The following PTPRD variants were observed in gnomAD, a reference collection of about 807,000 sequenced individuals.
The protein encoded by PTPRD is protein tyrosine phosphatase receptor type D, also known as receptor-type tyrosine-protein phosphatase delta.
Under a neutral mutation model 214.5 loss-of-function variants are expected in PTPRD, and 34 were observed. The observed-to-expected ratio is 0.16, with a 90% confidence interval of 0.12 to 0.21. The LOEUF (loss-of-function observed/expected upper bound fraction) is 0.21. Among genes scored for constraint, PTPRD ranks in the 10% least tolerant of loss-of-function variants. The pLI, the probability that PTPRD is intolerant of heterozygous loss-of-function variation, is 1.00. For missense variants in PTPRD, 2,545 were observed against 2,398.7 expected (o/e 1.06, Z -1.27); for synonymous variants, 1,128 against 845.7 (o/e 1.33, Z -5.79).
chr9:8,547,573 G>A (rs953813814), intron 14 of PTPRD, among the ~76,000 whole-genome samples: 6 of 151,358 alleles, frequency 4.0e-5, no homozygotes, highest in Non-Finnish European at 8.8e-5. Context: ...GGCCCAGGAG[G>A]TTGAGGCTAC....
At chr9:8,962,917 C>T (rs932111588) in intron 11 of PTPRD, 2 of 152,024 alleles carry the variant, frequency 1.3e-5, no homozygotes, top group South Asian at 4.1e-4. Context: ...GGCAATGTGG[C>T]TCTTAGGAAC....
chr9:8,874,822 G>T (rs1325627580), intron 11 of PTPRD, among the ~76,000 whole-genome samples: 1 of 152,224 alleles, frequency 6.6e-6, no homozygotes. Context: ...ACCATGCGGA[G>T]CCTGGCTCCT....
intron 2 of PTPRD, among the ~76,000 whole-genome samples, chr9:10,589,685 A>C (rs1341981342): frequency 6.6e-6 from 1 of 152,082 alleles, no homozygotes; most frequent in Non-Finnish European, 1.5e-5. Flanking sequence ...ACGAGACAGC[A>C]GAAACTGATG....
chr9:10,242,469 G>C lies in PTPRD; in HGVS notation c.-545+98494C>G, dbSNP rs193164799. ...TAGATTTGGATACTATGATTCATAT[G>C]AATTAGATCACAGGTACCAACGTTC... is the stretch of plus-strand genomic sequence containing the variant. On this transcript the variant is annotated intron_variant, in intron 3 of 45. Transcript: ENST00000381196. Among the ~76,000 whole-genome samples the C allele has an allele frequency of 9.9e-5, 15 of 152,016 alleles. No individual in the cohort carries two copies. The East Asian group carries it at 2.3e-3, about 24-fold the overall frequency.
intron 14 of PTPRD, among the ~76,000 whole-genome samples, chr9:8,531,144 C>T (rs1429507063): frequency 1.3e-5 from 2 of 151,962 alleles, no homozygotes; most frequent in Non-Finnish European, 2.9e-5. Context: ...GTTTACACAT[C>T]GTCAGCCAAG....
intron 12 of PTPRD, among the ~76,000 whole-genome samples, chr9:8,709,294 C>G (rs904543735): frequency 1.3e-5 from 2 of 151,860 alleles, no homozygotes; most frequent in Non-Finnish European, 2.9e-5. Flanking sequence ...GTGGGCGGAT[C>G]ACGAGGTCAG....
chr9:8,933,036 A>G (rs916978337), intron 11 of PTPRD, among the ~76,000 whole-genome samples: 1 of 152,058 alleles, frequency 6.6e-6, no homozygotes, highest in African/African-American at 2.4e-5. Context: ...CAGGTTGCGA[A>G]GACCATGGGA....
chr9:9,874,830 G>A (rs929875390), intron 5 of PTPRD, among the ~76,000 whole-genome samples: 27 of 152,140 alleles, frequency 1.8e-4, no homozygotes, highest in Admixed American at 1.7e-3. Context: ...AATATTTTGT[G>A]TCCAGGGAAT....
intron 11 of PTPRD, among the ~76,000 whole-genome samples, chr9:8,873,790 A>T (rs1382771709): frequency 6.6e-6 from 1 of 152,178 alleles, no homozygotes; most frequent in African/African-American, 2.4e-5. Flanking sequence ...GCAGAGAAAT[A>T]TGAGTGACAG....
chr9:8,495,673 TTTAG>T (rs1355646634), intron 26 of PTPRD, among the ~76,000 whole-genome samples: 1 of 152,218 alleles, frequency 6.6e-6, no homozygotes, highest in African/African-American at 2.4e-5. Context: ...AAAATTTTAT[TTTAG>T]TTAAACAGAG....
intron 10 of PTPRD, among the ~76,000 whole-genome samples, chr9:9,108,359 T>C (rs950515131): frequency 6.6e-6 from 1 of 152,138 alleles, no homozygotes; most frequent in Non-Finnish European, 1.5e-5. Context: ...GCAGAGGAAA[T>C]AAATTTAGTA....
intron 3 of PTPRD, among the ~76,000 whole-genome samples, chr9:10,146,494 T>C (rs2099023816): frequency 6.6e-6 from 1 of 152,102 alleles, no homozygotes; most frequent in African/African-American, 2.4e-5. Flanking sequence ...GTTGAAATTA[T>C]GACCTCAGGG....
At chr9:10,044,877 T>C (rs2097361562) in intron 3 of PTPRD, among the ~76,000 whole-genome samples, 1 of 151,708 alleles carries the variant, frequency 6.6e-6, no homozygotes, top group East Asian at 1.9e-4. Context: ...TACACTGACA[T>C]TTTGGGACAA....
At chr9:8,956,096 T>A (rs572910412) in intron 11 of PTPRD, among the ~76,000 whole-genome samples, 1 of 151,944 alleles carries the variant, frequency 6.6e-6, no homozygotes, top group African/African-American at 2.4e-5. Flanking sequence ...AAATGCTCAA[T>A]CTTTCCAGCA....
chr9:9,381,691 T>A (rs1034486931), intron 9 of PTPRD, among the ~76,000 whole-genome samples: 8 of 139,002 alleles, frequency 5.8e-5, no homozygotes, highest in Non-Finnish European at 9.5e-5. Context: ...TTTTTGTTGT[T>A]TTGTTTTTTG....
At chr9:10,129,325 A>T (rs1157666446) in intron 3 of PTPRD, among the ~76,000 whole-genome samples, 1 of 152,104 alleles carries the variant, frequency 6.6e-6, no homozygotes, top group East Asian at 1.9e-4. Flanking sequence ...TTCTTTAATC[A>T]TCAAAATTTG....
intron 4 of PTPRD, among the ~76,000 whole-genome samples, chr9:9,995,644 G>A (rs970686651): frequency 9.2e-5 from 14 of 151,978 alleles, no homozygotes; most frequent in African/African-American, 3.1e-4. Context: ...TTTGCTCTTA[G>A]GCCTTAGAAG....
chr9:9,756,484 C>A (rs927686064), intron 6 of PTPRD, among the ~76,000 whole-genome samples: 1 of 151,998 alleles, frequency 6.6e-6, no homozygotes, highest in East Asian at 1.9e-4. Flanking sequence ...CCATTTCTAT[C>A]TATATAGGAA....
chr9:8,508,213 T>A (rs562570752), intron 21 of PTPRD, among the ~76,000 whole-genome samples: 14 of 152,348 alleles, frequency 9.2e-5, no homozygotes, highest in African/African-American at 2.6e-4. Context: ...AGCCATGTCA[T>A]CTATTCAACA....
Sources: gnomAD v4.1 joint callset for allele counts (sites outside exome capture counted in the v4.1 genomes callset) on GRCh38, gnomAD v4.1.1 for gene constraint, MANE v1.5 for transcripts, NCBI Gene and HGNC (gene_info 2026-07-23, HGNC 2026-07-21) for gene names.